The following SYCE1 variants were observed in gnomAD, a reference collection of about 807,000 sequenced individuals.
SYCE1 encodes cancer/testis antigen 76.
Under a neutral mutation model 55.1 loss-of-function variants are expected in SYCE1, and 37 were observed. The observed-to-expected ratio is 0.67, with a 90% CI of 0.52 to 0.88. The LOEUF (loss-of-function observed/expected upper bound fraction) is 0.88, where lower values mean the gene tolerates loss of function less well. Ranked by LOEUF, SYCE1 falls within the 40% of genes least tolerant of loss-of-function variation. The probability of loss-of-function intolerance (pLI) is 0.00; values close to 1 mark genes in which losing one functional copy is unlikely to be tolerated. For synonymous variants in SYCE1, 163 were observed against 159.4 expected (o/e 1.02, Z -0.17); for missense variants, 399 against 416.4 (o/e 0.96, Z 0.36).
At chr10:133,562,261 A>ATGTGTGTGTG (rs59050384) in intron 1 of SYCE1, among the ~76,000 whole-genome samples, 1 of 143,006 alleles carries the variant, frequency 7.0e-6, no homozygotes, top group African/African-American at 2.6e-5. Flanking sequence ...CTAACATCCA[A>ATGTGTGTGTG]TGTGTGTGTG....
At chr10:133,559,403 T>C in intron 2 of SYCE1, 43 bp from the exon 3 acceptor site, 7 of 1,596,830 alleles carry the variant, frequency 4.4e-6, no homozygotes, top group Non-Finnish European at 6.0e-6. Flanking sequence ...GCAGGCAGAG[T>C]TGGGGCGGTT....
intron 1 of SYCE1, chr10:133,564,545 C>A (rs1268878153): frequency 2.3e-6 from 1 of 428,202 alleles, no homozygotes; most frequent in African/African-American, 2.1e-5. Flanking sequence ...TTTCACTGTG[C>A]CACATCTCAC....
chr10:133,557,022 A>T, intron 7 of SYCE1, 45 bp downstream of exon 7: 1 of 1,580,274 alleles, frequency 6.3e-7, no homozygotes. Context: ...ATTATATCCC[A>T]ACTACTGGCC....
At chr10:133,565,276 G>A (rs1008440865) in intron 1 of SYCE1, among the ~76,000 whole-genome samples, 181 bp downstream of exon 1, 42 of 152,208 alleles carry the variant, frequency 2.8e-4, no homozygotes, top group Admixed American at 1.2e-3. Flanking sequence ...TTAAGACAAA[G>A]TGGGGGGTGT....
intron 1 of SYCE1, chr10:133,564,556 T>C (rs1399030055): frequency 2.7e-6 from 1 of 366,624 alleles, no homozygotes; most frequent in African/African-American, 2.2e-5. Flanking sequence ...CACATCTCAC[T>C]GTAGGGATGC....
chr10:133,556,692 T>C, intron 8 of SYCE1, 67 bp downstream of exon 8: 1 of 1,505,960 alleles, frequency 6.6e-7, no homozygotes, highest in Non-Finnish European at 9.0e-7. Context: ...GAGGAAGAAG[T>C]GACCGTTTGG....
At chr10:133,563,032 C>T (rs1340939986) in intron 1 of SYCE1, among the ~76,000 whole-genome samples, 2 of 152,244 alleles carry the variant, frequency 1.3e-5, no homozygotes, top group African/African-American at 4.8e-5. Context: ...AAGTTTGTAA[C>T]AGTTTTGATT....
chr10:133,565,332 C>A lies in SYCE1; in HGVS notation c.73+125G>T, dbSNP rs1336756698. On this transcript the variant is annotated intron_variant, in intron 1 of 12. Transcript: ENST00000343131. Reference sequence around the variant, plus strand: ...CTTGGCCGAAATTTTTCTGAAGAAACCCGCTAAGTCTCAATCAGCAGCATC... The same window carrying A: ...CTTGGCCGAAATTTTTCTGAAGAAAACCGCTAAGTCTCAATCAGCAGCATC... 3 of 866,068 alleles carry A rather than the reference C, an allele frequency of 3.5e-6. No individual in the cohort carries two copies. The East Asian group carries it at 9.8e-5, about 28-fold the overall frequency. The allele number at this position is 866,068 out of a possible 1,614,324, so 53.6% of individuals were successfully genotyped here. A position where few individuals can be genotyped will look rare whatever the true frequency, so the allele number is the denominator to read the frequency against.
At position 133,555,707 on chromosome 10, in the gene SYCE1, C is replaced by G; in HGVS notation, c.720G>C (p.Val240=). The G allele has an allele frequency of 6.2e-7, 1 of 1,606,044 alleles. No homozygotes were observed. The highest frequency in any genetic ancestry group is 8.5e-7 in the Non-Finnish European group (1 of 1,179,936). ...FLRSQEAAAT[V]QLFQEEHRKA... is the part of the protein sequence containing the mutation. Reference sequence around the variant, plus strand: ...TCCTGTGCTCTTCCTGAAACAGCTGCCTGGGGGGCCCAGTAGGGGGTGGTC... The same window carrying G: ...TCCTGTGCTCTTCCTGAAACAGCTGGCTGGGGGGCCCAGTAGGGGGTGGTC... Residue 240 remains valine (V), a splice_region_variant and synonymous_variant, in exon 11 of 13, where the codon GTG becomes GTC. Coordinates refer to ENST00000343131, the MANE Select transcript of SYCE1 (RefSeq NM_001143764.3).
In SYCE1 at chr10:133,555,870, T is replaced by C. The variant is rs771310743; in HGVS notation, c.629A>G (p.Lys210Arg). ...CCCACACAGGGAGCACAGCTGATGC[T>C]TCACGTCTTCCAGTGTCGCCTTGAC... ...KLVKATLEDVKHQLCSLCGAE... is the reference protein window; with the variant it reads ...KLVKATLEDVRHQLCSLCGAE... Residue 210 changes from lysine (K) to arginine (R), a missense_variant, in exon 10 of 13, where the codon AAG (lysine) becomes AGG (arginine). Physicochemically the swap from Lys to Arg is conservative, Grantham distance 26. Coordinates refer to ENST00000343131, the MANE Select transcript of SYCE1 (RefSeq NM_001143764.3). 1.3e-5 allele frequency: 21 copies of C among 1,614,094 alleles called. No individual in the cohort carries two copies. In the South Asian group the frequency reaches 2.3e-4, roughly 18 times the overall value.
chr10:133,564,831 A>G (rs892240230), intron 1 of SYCE1, among the ~76,000 whole-genome samples: 7 of 152,206 alleles, frequency 4.6e-5, no homozygotes, highest in Admixed American at 4.6e-4. Context: ...AGTGTCCTGA[A>G]GTGGAAACGG....
chr10:133,566,300 G>C (rs1851933157), upstream of SYCE1, among the ~76,000 whole-genome samples: 1 of 152,236 alleles, frequency 6.6e-6, no homozygotes, highest in African/African-American at 2.4e-5. Flanking sequence ...ACTTTACCGT[G>C]CAGGTGAGTG....
chr10:133,554,262 A>G, downstream of SYCE1: 1 of 1,611,340 alleles, frequency 6.2e-7, no homozygotes, highest in Non-Finnish European at 8.5e-7. Context: ...TTTCCATGGA[A>G]ACAGTGCTCT....
At chr10:133,567,428 C>A (rs1040445262), upstream of SYCE1, among the ~76,000 whole-genome samples, 1 of 145,752 alleles carries the variant, frequency 6.9e-6, no homozygotes, top group South Asian at 2.3e-4. Context: ...TAAGGGTCAG[C>A]GTTAGGGTCA....
chr10:133,558,197 G>C lies in SYCE1; in HGVS notation c.289C>G (p.His97Asp). 1 of 1,614,178 alleles carries C rather than the reference G, an allele frequency of 6.2e-7. No individual in the cohort carries two copies. Among genetic ancestry groups the C allele is most frequent in the South Asian group, 1.1e-5 (1 of 91,080 alleles). The change falls in exon 5 of 13, where the codon CAC (histidine) becomes GAC (aspartate). Residue 97 changes from histidine (H) to aspartate (D), a missense_variant. Physicochemically the swap from His to Asp is moderately conservative, Grantham distance 81. Coordinates refer to ENST00000343131, the MANE Select transcript of SYCE1 (RefSeq NM_001143764.3). ...ELDSLHGEKV[H>D]LKEILSKKQE... ...TTTTTGCTCAAGATCTCCTTCAGGT[G>C]TACTTTCTCTCCATGCACTAGAAAA...
At position 133,558,953 on chromosome 10, in the gene SYCE1, T is replaced by C. The variant is rs774225566; in HGVS notation, c.197-2A>G. ...GGTCTTTATTGGCTTTCTTTTTTGC[T>C]TCACCAAAGAGCAGAAAAACATTGT... On this transcript the variant is annotated splice_acceptor_variant, in intron 3 of 12. Transcript: ENST00000343131. LOFTEE classifies it high-confidence loss of function. 1.9e-6 allele frequency: 3 copies of C among 1,609,908 alleles called. No homozygotes were observed. The highest frequency in any genetic ancestry group is 1.7e-4 in the Middle Eastern group (1 of 6,044).
At position 133,560,168 on chromosome 10, in the gene SYCE1, C is replaced by A. The variant is rs774665198; in HGVS notation, c.74-15G>T. On this transcript the variant is annotated splice_polypyrimidine_tract_variant and intron_variant, in intron 1 of 12. Transcript: ENST00000343131. The stretch of plus-strand genomic sequence containing the variant: ...CGTGTCCTGCCCTGTGGAGACAAAA[C>A]CAAACATTTCAGAATCAAGCAGGGC... 2 of 1,613,312 alleles carry A rather than the reference C, an allele frequency of 1.2e-6. No homozygotes were observed. The highest frequency in any genetic ancestry group is 1.7e-6 in the Non-Finnish European group (2 of 1,179,534).
chr10:133,554,286 C>T (rs368706899), downstream of SYCE1: 158 of 1,613,996 alleles, frequency 9.8e-5, no homozygotes, highest in African/African-American at 1.6e-3. Flanking sequence ...GTGAGCCTCT[C>T]TCTTCAACTC....
Position 133,560,098 on chromosome 10 carries a change from C to T in SYCE1, c.129G>A (p.Leu43=), listed in dbSNP as rs1347945090. The T allele has an allele frequency of 1.9e-6, 3 of 1,613,932 alleles. No homozygotes were observed. The highest frequency in any genetic ancestry group is 2.7e-5 in the African/African-American group (2 of 74,894). ...ACAAAGGAGACACACGACCTTTCTG[C>T]AGCTTTTGCACCATTTCCATCAAGT... is the stretch of plus-strand genomic sequence containing the variant. ...IEDLMEMVQK[L]QKVGSLEPRV... Residue 43 remains leucine (L), a synonymous_variant, in exon 2 of 13, where the codon CTG becomes CTA. Coordinates refer to ENST00000343131, the MANE Select transcript of SYCE1 (RefSeq NM_001143764.3).
Sources: gnomAD v4.1 joint callset for allele counts (sites outside exome capture counted in the v4.1 genomes callset) on GRCh38, gnomAD v4.1.1 for gene constraint, MANE v1.5 for transcripts, NCBI Gene and HGNC (gene_info 2026-07-23, HGNC 2026-07-21) for gene names.